The following SUSD6 variants were observed in gnomAD, a reference collection of about 807,000 sequenced individuals.
SUSD6 encodes sushi domain-containing protein 6.
A neutral mutation model predicts 28.4 loss-of-function variants in SUSD6; 16 were observed. The ratio of observed to expected loss-of-function variants is 0.56; its 90% CI spans 0.38 to 0.86. The LOEUF (loss-of-function observed/expected upper bound fraction) is 0.86, where lower values mean the gene tolerates loss of function less well. Among genes scored for constraint, SUSD6 ranks in the 40% least tolerant of loss-of-function variants. The pLI, the probability that SUSD6 is intolerant of heterozygous loss-of-function variation, is 0.00. For missense variants in SUSD6, 341 were observed against 384.2 expected, an observed-to-expected ratio of 0.89 and a Z score of 0.94; for synonymous variants, 147 against 159.6, an observed-to-expected ratio of 0.92 and a Z score of 0.59.
At chr14:69,682,048 A>G (rs1012219240) in intron 2 of SUSD6, among the ~76,000 whole-genome samples, 1 of 152,188 alleles carries the variant, frequency 6.6e-6, no homozygotes, top group Non-Finnish European at 1.5e-5. Context: ...GAAATGAAAT[A>G]TAGGCCTGGT....
At chr14:69,679,621 T>C (rs1040983165) in intron 2 of SUSD6, among the ~76,000 whole-genome samples, 1 of 151,912 alleles carries the variant, frequency 6.6e-6, no homozygotes, top group Non-Finnish European at 1.5e-5. Context: ...TTAGTGTTAG[T>C]GTATTTTATG....
intron 4 of SUSD6, among the ~76,000 whole-genome samples, chr14:69,707,010 T>TA (rs535172609): frequency 0.01 from 1,437 of 137,638 alleles, 9 homozygotes; most frequent in African/African-American, 0.024. Flanking sequence ...CTGGACTCTT[T>TA]AAAAAAAAAA....
At chr14:69,674,841 C>T (rs754975329) in intron 2 of SUSD6, among the ~76,000 whole-genome samples, 1 of 152,124 alleles carries the variant, frequency 6.6e-6, no homozygotes, top group Non-Finnish European at 1.5e-5. Flanking sequence ...TTACTTAGCC[C>T]CTCTGATCCA....
intron 1 of SUSD6, among the ~76,000 whole-genome samples, chr14:69,648,689 A>G (rs1885461578): frequency 6.6e-6 from 1 of 152,172 alleles, no homozygotes; most frequent in Non-Finnish European, 1.5e-5. Flanking sequence ...AAAAGTAAAC[A>G]TAACTGCATC....
rs377547964 is a variant in SUSD6, at chr14:69,660,981, A to G, written c.121+2268A>G. On this transcript the variant is annotated intron_variant, in intron 2 of 5. Coordinates refer to ENST00000342745, the MANE Select transcript of SUSD6 (RefSeq NM_014734.4). ...CCCAGCCCAGAACAAATGGTGCTCA[A>G]TAAGTATGCATGTGAATGGAATGAC... Among the ~76,000 whole-genome samples the G allele has an allele frequency of 1.4e-4, 22 of 152,330 alleles. No individual in the cohort carries two copies. The South Asian group carries it at 4.1e-3, about 29-fold the overall frequency.
At chr14:69,650,303 A>G (rs539463768) in intron 1 of SUSD6, among the ~76,000 whole-genome samples, 3 of 152,104 alleles carry the variant, frequency 2.0e-5, no homozygotes, top group African/African-American at 7.2e-5. Context: ...ACATCGTCCT[A>G]CATGTCTCAC....
intron 2 of SUSD6, among the ~76,000 whole-genome samples, chr14:69,691,578 C>A (rs1886153270): frequency 6.6e-6 from 1 of 152,168 alleles, no homozygotes; most frequent in Non-Finnish European, 1.5e-5. Context: ...CTACCTGACC[C>A]CCTGTTTGGG....
rs1885619417 is a variant in SUSD6 at position 69,658,654 on chromosome 14, A to G, written c.62A>G (p.His21Arg). 20 of 1,614,136 alleles carry G rather than the reference A, an allele frequency of 1.2e-5. No homozygotes were observed. Among genetic ancestry groups the G allele is most frequent in the Non-Finnish European group, 1.5e-5 (18 of 1,179,984 alleles). ...TSVFAVASVGHGVFLPLVILC... is the reference protein window; with the variant it reads ...TSVFAVASVGRGVFLPLVILC... ...GTGTTTGCCGTGGCCTCCGTGGGAC[A>G]TGGAGTGTTCCTTCCGCTAGTGATC... The change falls in exon 2 of 6, where the codon CAT becomes CGT. Residue 21 changes from histidine (H) to arginine (R), a missense_variant. By Grantham distance (29) the His-to-Arg change is conservative. Coordinates refer to ENST00000342745, the MANE Select transcript of SUSD6 (RefSeq NM_014734.4).
chr14:69,645,314 G>C (rs758342857), intron 1 of SUSD6, among the ~76,000 whole-genome samples: 3 of 152,204 alleles, frequency 2.0e-5, no homozygotes, highest in Admixed American at 6.5e-5. Context: ...GGGACCATAT[G>C]TATGGAGAAC....
At chr14:69,693,256 C>A (rs951260191) in intron 2 of SUSD6, among the ~76,000 whole-genome samples, 1 of 152,126 alleles carries the variant, frequency 6.6e-6, no homozygotes, top group African/African-American at 2.4e-5. Flanking sequence ...TCTGGCCTGC[C>A]CCTCCTTGTA....
At chr14:69,614,825 TC>T (rs1301336255) in intron 1 of SUSD6, among the ~76,000 whole-genome samples, 1 of 152,244 alleles carries the variant, frequency 6.6e-6, no homozygotes, top group Non-Finnish European at 1.5e-5. Context: ...CACGTGGTTG[TC>T]TTTCCCCTCT....
chr14:69,650,247 C>T (rs182632680), intron 1 of SUSD6, among the ~76,000 whole-genome samples: 2 of 152,096 alleles, frequency 1.3e-5, no homozygotes, highest in African/African-American at 2.4e-5. Flanking sequence ...CCTGTTAGAA[C>T]AGGAAGGGGC....
Position 69,708,699 on chromosome 14 carries a change from G to A in SUSD6, c.481G>A (p.Asp161Asn). The change falls in exon 5 of 6, where the codon GAC (aspartate) becomes AAC (asparagine). Residue 161 changes from aspartate to asparagine, a missense_variant. Physicochemically the swap from Asp to Asn is conservative, Grantham distance 23. Coordinates refer to ENST00000342745, the MANE Select transcript of SUSD6 (RefSeq NM_014734.4). ...HSRRDQGVSGDQVSIMVDGVQ... is the reference protein window; with the variant it reads ...HSRRDQGVSGNQVSIMVDGVQ... The stretch of plus-strand genomic sequence containing the variant: ...CAGGCGTGACCAGGGGGTATCTGGG[G>A]ACCAGGTCTCCATCATGGTGGATGG... 6.3e-7 allele frequency: 1 copy of A among 1,588,610 alleles called. No homozygotes were observed.
intron 2 of SUSD6, among the ~76,000 whole-genome samples, chr14:69,688,833 A>G (rs1414964468): frequency 1.3e-5 from 2 of 152,202 alleles, no homozygotes; most frequent in Admixed American, 1.3e-4. Flanking sequence ...TATGAATAAC[A>G]TGGCTTTGCA....
chr14:69,617,282 T>C (rs991428181), intron 1 of SUSD6: 2 of 152,226 alleles, frequency 1.3e-5, no homozygotes, highest in Non-Finnish European at 2.9e-5. Context: ...GGGTATATGT[T>C]TTCATTTCTC....
intron 3 of SUSD6, 141 bp from the exon 4 acceptor site, chr14:69,704,463 T>A: frequency 1.4e-6 from 1 of 733,918 alleles, no homozygotes. Flanking sequence ...CATTCTAAGC[T>A]GTTATTCCTG....
chr14:69,664,664 C>T (rs1276554615), intron 2 of SUSD6, among the ~76,000 whole-genome samples: 6 of 152,174 alleles, frequency 3.9e-5, no homozygotes, highest in African/African-American at 9.7e-5. Context: ...GTACCACCCT[C>T]GCACTGTAAC....
chr14:69,650,330 C>G (rs1027383641), intron 1 of SUSD6, among the ~76,000 whole-genome samples: 26 of 152,166 alleles, frequency 1.7e-4, no homozygotes, highest in Non-Finnish European at 1.5e-4. Flanking sequence ...CTTAATTTCA[C>G]TGCACAGCAA....
chr14:69,674,252 T>G (rs542693232), intron 2 of SUSD6, among the ~76,000 whole-genome samples: 42 of 152,260 alleles, frequency 2.8e-4, no homozygotes, highest in African/African-American at 9.9e-4. Context: ...GGATTGTTAT[T>G]CGACATTCCC....
Sources: gnomAD v4.1 joint callset for allele counts (sites outside exome capture counted in the v4.1 genomes callset) on GRCh38, gnomAD v4.1.1 for gene constraint, MANE v1.5 for transcripts, NCBI Gene and HGNC (gene_info 2026-07-23, HGNC 2026-07-21) for gene names.